OR52E2: variants seen among roughly 807,000 people sequenced by gnomAD.
OR52E2 encodes the protein olfactory receptor 52E2.
For synonymous variants in OR52E2, 130 were observed against 143.9 expected (o/e 0.90, Z 0.69); for missense variants, 443 against 403.9 (o/e 1.10, Z -0.83).
chr11:5,059,202 A>T lies in OR52E2; in HGVS notation c.426T>A (p.Val142=). 6.2e-7 allele frequency: 1 copy of T among 1,613,718 alleles called. No homozygotes were observed. Among genetic ancestry groups the T allele is most frequent in the Admixed American group, 1.7e-5 (1 of 59,914 alleles). The change falls in exon 1 of 1, where the codon GTT becomes GTA. Residue 142 remains valine (V), a synonymous_variant. Coordinates refer to ENST00000321522, the MANE Select transcript of OR52E2 (RefSeq NM_001005164.2). ...ACACACCAAGACCAATCACAGAAAC[A>T]ACCTTGTTGGTGAGGATGGCGCTAT... The part of the protein sequence containing the change: ...LQYSAILTNK[V]VSVIGLGVFV...
chr11:5,058,816 C>G lies in OR52E2; in HGVS notation c.812G>C (p.Arg271Pro). ...MTHRFGRNVP[R>P]YIHILLANLY... ...ATTGGCTAGGAGTATATGGATATAG[C>G]GGGGCACATTTCGGCCAAAGCGATG... The change falls in exon 1 of 1, where the codon CGC becomes CCC. Residue 271 changes from arginine to proline, a missense_variant. Coordinates refer to ENST00000321522, the MANE Select transcript of OR52E2 (RefSeq NM_001005164.2). 1 of 1,586,368 alleles carries G rather than the reference C, an allele frequency of 6.3e-7. No individual in the cohort carries two copies. Among genetic ancestry groups the G allele is most frequent in the South Asian group, 1.2e-5 (1 of 86,628 alleles).
Position 5,059,417 on chromosome 11 carries a change from T to G in OR52E2, c.211A>C (p.Thr71Pro). Residue 71 changes from threonine to proline, a missense_variant, in exon 1 of 1, where the codon ACT (threonine) becomes CCT (proline). Transcript: ENST00000321522. ...MFYFLAMLAT[T>P]DVGLSTATIP... is the part of the protein sequence containing the mutation. ...GTAGCTGTTGAGAGACCCACATCAG[T>G]GGTGGCCAACATGGCCAGGAAGTAG... The G allele has an allele frequency of 6.2e-7, 1 of 1,613,680 alleles. No individual in the cohort carries two copies.
rs1354829794 is a variant in OR52E2 at position 5,059,020 on chromosome 11, C to T, written c.608G>A (p.Cys203Tyr). Residue 203 changes from cysteine to tyrosine, a missense_variant, in exon 1 of 1, where the codon TGT (cysteine) becomes TAT (tyrosine). Cys to Tyr is a radical substitution (Grantham distance 194). Transcript: ENST00000321522. Reference sequence around the variant, plus strand: ...GTCAAACACTAGATTACAAATGGCACATAAACCATAAATAATATTGATTTT... The same window carrying T: ...GTCAAACACTAGATTACAAATGGCATATAAACCATAAATAATATTGATTTT... The part of the protein sequence containing the change: ...SIKINIIYGL[C>Y]AICNLVFDIT... The T allele has an allele frequency of 6.2e-7, 1 of 1,613,706 alleles. No homozygotes were observed. The highest frequency in any genetic ancestry group is 8.5e-7 in the Non-Finnish European group (1 of 1,179,898).
chr11:5,059,386 G>C lies in OR52E2; in HGVS notation c.242C>G (p.Pro81Arg). 6.2e-7 allele frequency: 1 copy of C among 1,613,782 alleles called. No homozygotes were observed. The highest frequency in any genetic ancestry group is 8.5e-7 in the Non-Finnish European group (1 of 1,179,862). Residue 81 changes from proline to arginine, a missense_variant, in exon 1 of 1, where the codon CCT becomes CGT. Transcript: ENST00000321522. Reference sequence around the variant, plus strand: ...GATCCAGAAGATTCCAAGCATCTTAGGGATGGTAGCTGTTGAGAGACCCAC... The same window carrying C: ...GATCCAGAAGATTCCAAGCATCTTACGGATGGTAGCTGTTGAGAGACCCAC... Reference protein sequence around the residue: ...TDVGLSTATIPKMLGIFWINL... With the variant: ...TDVGLSTATIRKMLGIFWINL...
chr11:5,059,598 G>A lies in OR52E2; in HGVS notation c.30C>T (p.His10=), dbSNP rs770340891. The A allele has an allele frequency of 3.1e-6, 5 of 1,606,662 alleles. No homozygotes were observed. The highest frequency in any genetic ancestry group is 4.3e-6 in the Non-Finnish European group (5 of 1,175,722). Residue 10 remains histidine (H), a synonymous_variant, in exon 1 of 1, where the codon CAC becomes CAT. Transcript: ENST00000321522. The stretch of plus-strand genomic sequence containing the variant: ...TCCCCAGCAACAGGAAGGAGGAGGG[G>A]TGAAACTGGGTGTCATTGGGAAGGA... MFLPNDTQF[H]PSSFLLLGIP... is the part of the protein sequence containing the mutation.
rs747093031 is a variant in OR52E2 at position 5,058,678 on chromosome 11, T to C, written c.950A>G (p.Glu317Gly). The C allele has an allele frequency of 6.7e-7, 1 of 1,498,670 alleles. No individual in the cohort carries two copies. The highest frequency in any genetic ancestry group is 8.9e-7 in the Non-Finnish European group (1 of 1,123,590). The allele number at this position is 1,498,670 out of a possible 1,614,324, so 92.8% of individuals were successfully genotyped here. A position where few individuals can be genotyped will look rare whatever the true frequency, so the allele number is the denominator to read the frequency against. The change falls in exon 1 of 1, where the codon GAA becomes GGA. Residue 317 changes from glutamate (E) to glycine (G), a missense_variant. By Grantham distance (98) the Glu-to-Gly change is moderately conservative. Transcript: ENST00000321522. ...GAACCTCGTATGTATTAGGTACTCT[T>C]CCTTTTCCATTCCTTGTTCCTGCAA... ...ILLQEQGMEKEEYLIHTRF is the reference protein window; with the variant it reads ...ILLQEQGMEKGEYLIHTRF
Position 5,059,165 on chromosome 11 carries a change from A to T in OR52E2, c.463T>A (p.Leu155Ile). 2 of 1,613,742 alleles carry T rather than the reference A, an allele frequency of 1.2e-6. No homozygotes were observed. Among genetic ancestry groups the T allele is most frequent in the South Asian group, 1.1e-5 (1 of 91,028 alleles). ...AGTATAGAGGGAATGACGAAAATTA[A>T]AGCCCTCACAAACACACCAAGACCA... The part of the protein sequence containing the change: ...VIGLGVFVRA[L>I]IFVIPSILLI... The change falls in exon 1 of 1, where the codon TTA (leucine) becomes ATA (isoleucine). Residue 155 changes from leucine to isoleucine, a missense_variant. Leu to Ile is a conservative substitution (Grantham distance 5, BLOSUM62 2). Transcript: ENST00000321522.
chr11:5,059,358 G>T lies in OR52E2; in HGVS notation c.270C>A (p.Asn90Lys), dbSNP rs749286745. The change falls in exon 1 of 1, where the codon AAC becomes AAA. Residue 90 changes from asparagine to lysine, a missense_variant. By Grantham distance (94) the Asn-to-Lys change is moderately conservative. Coordinates refer to ENST00000321522, the MANE Select transcript of OR52E2 (RefSeq NM_001005164.2). ...IPKMLGIFWI[N>K]LRGIIFEACL... is the part of the protein sequence containing the mutation. The stretch of plus-strand genomic sequence containing the variant: ...AGGCTTCAAAGATGATCCCTCTGAG[G>T]TTGATCCAGAAGATTCCAAGCATCT... 1 of 1,613,690 alleles carries T rather than the reference G, an allele frequency of 6.2e-7. No homozygotes were observed. Among genetic ancestry groups the T allele is most frequent in the South Asian group, 1.1e-5 (1 of 91,046 alleles).
At position 5,059,079 on chromosome 11, in the gene OR52E2, G is replaced by C; in HGVS notation, c.549C>G (p.His183Gln). ...CACAAGATAGATGAGCAAGACCCATGTGCTCACAGTAGGTGTGGGGAATTA... is the reference window on the plus strand; with the variant it reads ...CACAAGATAGATGAGCAAGACCCATCTGCTCACAGTAGGTGTGGGGAATTA... ...NHVIPHTYCE[H>Q]MGLAHLSCAS... Residue 183 changes from histidine (H) to glutamine (Q), a missense_variant, in exon 1 of 1, where the codon CAC becomes CAG. By Grantham distance (24) the His-to-Gln change is conservative. Coordinates refer to ENST00000321522, the MANE Select transcript of OR52E2 (RefSeq NM_001005164.2). 1.9e-6 allele frequency: 3 copies of C among 1,613,194 alleles called. No individual in the cohort carries two copies. Among genetic ancestry groups the C allele is most frequent in the Non-Finnish European group, 2.5e-6 (3 of 1,179,540 alleles).
Position 5,058,947 on chromosome 11 carries a change from G to GA in OR52E2, c.680dup (p.Arg228ProfsTer6). On this transcript the variant is annotated frameshift_variant, in exon 1 of 1. Transcript: ENST00000321522. LOFTEE classifies it low-confidence loss of function (END_TRUNC). ...GTCGGGCTTCATGAGTAGGAAGACGGAAAACAGCACAAAGAATATGCACAT... is the reference window on the plus strand; with the variant it reads ...GTCGGGCTTCATGAGTAGGAAGACGGAAAAACAGCACAAAGAATATGCACAT... 1 of 1,607,086 alleles carries GA rather than the reference G, an allele frequency of 6.2e-7. No homozygotes were observed. Among genetic ancestry groups the GA allele is most frequent in the Non-Finnish European group, 8.5e-7 (1 of 1,176,920 alleles).
chr11:5,059,068 G>A lies in OR52E2; in HGVS notation c.560C>T (p.Ala187Val), dbSNP rs375946295. The change falls in exon 1 of 1, where the codon GCT becomes GTT. Residue 187 changes from alanine to valine, a missense_variant. Transcript: ENST00000321522. ...PHTYCEHMGL[A>V]HLSCASIKIN... is the part of the protein sequence containing the mutation. ...TTTGATGCTGGCACAAGATAGATGAGCAAGACCCATGTGCTCACAGTAGGT... is the reference window on the plus strand; with the variant it reads ...TTTGATGCTGGCACAAGATAGATGAACAAGACCCATGTGCTCACAGTAGGT... 697 of 1,613,356 alleles carry A rather than the reference G, an allele frequency of 4.3e-4. 11 individuals are homozygous for A. In the South Asian group the frequency reaches 7.2e-3, roughly 17 times the overall value.
chr11:5,058,829 G>A lies in OR52E2; in HGVS notation c.799C>T (p.Arg267Ter), dbSNP rs146178299. The A allele has an allele frequency of 1.6e-5, 25 of 1,580,356 alleles. No individual in the cohort carries two copies. Among genetic ancestry groups the A allele is most frequent in the South Asian group, 5.9e-5 (5 of 85,354 alleles). The change falls in exon 1 of 1, where the codon CGA (arginine) becomes TGA (stop). Residue 267 changes from arginine to a stop codon, truncating the protein, a stop_gained. Coordinates refer to ENST00000321522, the MANE Select transcript of OR52E2 (RefSeq NM_001005164.2). LOFTEE classifies it low-confidence loss of function (END_TRUNC). ...ATATGGATATAGCGGGGCACATTTC[G>A]GCCAAAGCGATGAGTCATAAAGGAA... ...LFSFMTHRFG[R>*]NVPRYIHILL...
In OR52E2 at chr11:5,059,429, T is replaced by C; in HGVS notation, c.199A>G (p.Met67Val). ...LHQPMFYFLA[M>V]LATTDVGLST... ...AGACCCACATCAGTGGTGGCCAACA[T>C]GGCCAGGAAGTAGAACATGGGCTGG... Residue 67 changes from methionine (M) to valine (V), a missense_variant, in exon 1 of 1, where the codon ATG (methionine) becomes GTG (valine). Coordinates refer to ENST00000321522, the MANE Select transcript of OR52E2 (RefSeq NM_001005164.2). The C allele has an allele frequency of 6.2e-7, 1 of 1,613,834 alleles. No individual in the cohort carries two copies. Among genetic ancestry groups the C allele is most frequent in the Non-Finnish European group, 8.5e-7 (1 of 1,179,868 alleles).
In OR52E2 at chr11:5,058,657, C is replaced by T. The variant is rs1847675688; in HGVS notation, c.971G>A (p.Arg324Lys). 7.2e-7 allele frequency: 1 copy of T among 1,396,864 alleles called. No individual in the cohort carries two copies. The highest frequency in any genetic ancestry group is 9.4e-7 in the Non-Finnish European group (1 of 1,067,306). 86.5% of individuals were successfully genotyped at this position (1,396,864 alleles called of 1,614,324 possible). The stretch of plus-strand genomic sequence containing the variant: ...AATTTCATAAAATTGCATTCAGAAC[C>T]TCGTATGTATTAGGTACTCTTCCTT... ...MEKEEYLIHT[R>K]F The change falls in exon 1 of 1, where the codon AGG becomes AAG. Residue 324 changes from arginine (R) to lysine (K), a missense_variant. Coordinates refer to ENST00000321522, the MANE Select transcript of OR52E2 (RefSeq NM_001005164.2).
In OR52E2 at chr11:5,058,977, A is replaced by G; in HGVS notation, c.651T>C (p.Leu217=). The change falls in exon 1 of 1, where the codon CTT becomes CTC. Residue 217 remains leucine (L), a synonymous_variant. Coordinates refer to ENST00000321522, the MANE Select transcript of OR52E2 (RefSeq NM_001005164.2). ...NLVFDITVIA[L]SYVHILCAVF... ...CAGCACAAAGAATATGCACATAAGA[A>G]AGGGCAATGACTGTGATGTCAAACA... 6.2e-7 allele frequency: 1 copy of G among 1,612,848 alleles called. No individual in the cohort carries two copies. Among genetic ancestry groups the G allele is most frequent in the South Asian group, 1.1e-5 (1 of 90,922 alleles).
At position 5,059,379 on chromosome 11, in the gene OR52E2, C is replaced by T; in HGVS notation, c.249G>A (p.Met83Ile). Residue 83 changes from methionine to isoleucine, a missense_variant, in exon 1 of 1, where the codon ATG becomes ATA. Physicochemically the swap from Met to Ile is conservative, Grantham distance 10. Transcript: ENST00000321522. ...VGLSTATIPK[M>I]LGIFWINLRG... The stretch of plus-strand genomic sequence containing the variant: ...TGAGGTTGATCCAGAAGATTCCAAG[C>T]ATCTTAGGGATGGTAGCTGTTGAGA... 1.2e-6 allele frequency: 2 copies of T among 1,613,776 alleles called. No individual in the cohort carries two copies. Among genetic ancestry groups the T allele is most frequent in the South Asian group, 1.1e-5 (1 of 91,046 alleles).
Position 5,059,334 on chromosome 11 carries a change from G to A in OR52E2, c.294C>T (p.Ala98=), listed in dbSNP as rs564526108. Reference sequence around the variant, plus strand: ...GGATAAAAAACATCTGGGTGAGGCAGGCTTCAAAGATGATCCCTCTGAGGT... The same window carrying A: ...GGATAAAAAACATCTGGGTGAGGCAAGCTTCAAAGATGATCCCTCTGAGGT... ...WINLRGIIFE[A]CLTQMFFIHN... is the part of the protein sequence containing the mutation. Residue 98 remains alanine (A), a synonymous_variant, in exon 1 of 1, where the codon GCC becomes GCT. Transcript: ENST00000321522. 6.2e-7 allele frequency: 1 copy of A among 1,613,658 alleles called. No homozygotes were observed. The highest frequency in any genetic ancestry group is 2.2e-5 in the East Asian group (1 of 44,810).
Position 5,059,120 on chromosome 11 carries a change from A to T in OR52E2, c.508T>A (p.Phe170Ile). Reference protein sequence around the residue: ...PSILLILRLPFCGNHVIPHTY... With the variant: ...PSILLILRLPICGNHVIPHTY... ...TGGGGAATTACATGATTCCCACAGA[A>T]GGGCAACCGCAATATAAGAAGTATA... Residue 170 changes from phenylalanine to isoleucine, a missense_variant, in exon 1 of 1, where the codon TTC (phenylalanine) becomes ATC (isoleucine). By Grantham distance (21) the Phe-to-Ile change is conservative. Coordinates refer to ENST00000321522, the MANE Select transcript of OR52E2 (RefSeq NM_001005164.2). The T allele has an allele frequency of 1.2e-6, 2 of 1,613,548 alleles. No individual in the cohort carries two copies. Among genetic ancestry groups the T allele is most frequent in the Non-Finnish European group, 1.7e-6 (2 of 1,179,852 alleles).
At position 5,059,426 on chromosome 11, in the gene OR52E2, A is replaced by G; in HGVS notation, c.202T>C (p.Leu68=). The change falls in exon 1 of 1, where the codon TTG becomes CTG. Residue 68 remains leucine (L), a synonymous_variant. Coordinates refer to ENST00000321522, the MANE Select transcript of OR52E2 (RefSeq NM_001005164.2). The stretch of plus-strand genomic sequence containing the variant: ...GAGAGACCCACATCAGTGGTGGCCA[A>G]CATGGCCAGGAAGTAGAACATGGGC... ...HQPMFYFLAM[L]ATTDVGLSTA... The G allele has an allele frequency of 6.2e-7, 1 of 1,613,752 alleles. No individual in the cohort carries two copies.
Sources: allele counts gnomAD v4.1 joint callset, GRCh38; gene constraint gnomAD v4.1.1; transcripts MANE v1.5; gene names NCBI Gene and HGNC (gene_info 2026-07-23, HGNC 2026-07-21).